Variants in POLQ observed in about 807,000 individuals in gnomAD.
POLQ encodes DNA polymerase theta, also known as epididymis secretory sperm binding protein.
A neutral mutation model predicts 259.2 loss-of-function variants in POLQ; 233 were observed. The observed-to-expected ratio is 0.90, with a 90% confidence interval of 0.81 to 1.00. POLQ has a LOEUF of 1.00. Among genes scored for constraint, POLQ ranks in the 50% least tolerant of loss-of-function variants. The pLI is 0.00. For synonymous variants in POLQ, 1,025 were observed against 1,048.8 expected (o/e 0.98, Z 0.44); for missense variants, 2,871 against 3,051.6 (o/e 0.94, Z 1.39).
chr3:121,469,913 CATTT>C (rs2047869966), intron 22 of POLQ, among the ~76,000 whole-genome samples: 1 of 152,116 alleles, frequency 6.6e-6, no homozygotes, highest in African/African-American at 2.4e-5. Flanking sequence ...AAATGTTGCA[CATTT>C]ATTTGTTCTT....
chr3:121,454,090 G>T (rs2047707450), intron 25 of POLQ, among the ~76,000 whole-genome samples: 1 of 152,162 alleles, frequency 6.6e-6, no homozygotes, highest in African/African-American at 2.4e-5. Context: ...CATTCTTAAA[G>T]AAATGAATTT....
At chr3:121,455,464 A>T (rs1268916847) in intron 25 of POLQ, among the ~76,000 whole-genome samples, 1 of 149,000 alleles carries the variant, frequency 6.7e-6, no homozygotes, top group Non-Finnish European at 1.5e-5. Context: ...TGAAAGGATC[A>T]ACAAAATTGA....
At chr3:121,513,724 T>C (rs1379569259) in intron 9 of POLQ, among the ~76,000 whole-genome samples, 2 of 151,130 alleles carry the variant, frequency 1.3e-5, no homozygotes, top group Non-Finnish European at 2.9e-5. Flanking sequence ...AAGAACACCT[T>C]TGTGAAAACC....
chr3:121,510,589 A>T lies in POLQ; in HGVS notation c.1612-346T>A, dbSNP rs547305065. Among the ~76,000 whole-genome samples, 16 of 126,480 alleles carry T rather than the reference A, an allele frequency of 1.3e-4. No homozygotes were observed. The East Asian group carries it at 3.2e-3, about 25-fold the overall frequency. The allele number at this position is 126,480 out of a possible 152,430, so 83.0% of individuals were successfully genotyped here. ...GAGACTCCATCTCAAAAAAACAATT[A>T]AAAAAAAAAATAAATAAAACATGCA... On this transcript the variant is annotated intron_variant, in intron 10 of 29. Coordinates refer to ENST00000264233, the MANE Select transcript of POLQ (RefSeq NM_199420.4).
intron 22 of POLQ, among the ~76,000 whole-genome samples, chr3:121,471,250 C>A (rs2047881571): frequency 6.6e-6 from 1 of 151,976 alleles, no homozygotes; most frequent in Non-Finnish European, 1.5e-5. Context: ...TTCTTTTCTG[C>A]TTGGGTAAAA....
At chr3:121,475,845 G>T (rs1051021918) in intron 20 of POLQ, among the ~76,000 whole-genome samples, 4 of 151,992 alleles carry the variant, frequency 2.6e-5, no homozygotes, top group African/African-American at 4.8e-5. Flanking sequence ...AAACCTACTT[G>T]TGCTGAAACA....
chr3:121,533,531 T>C (rs1384162091), intron 5 of POLQ, among the ~76,000 whole-genome samples: 1 of 152,222 alleles, frequency 6.6e-6, no homozygotes. Flanking sequence ...ATTTCTTTTT[T>C]TTTAGACAGG....
chr3:121,449,404 C>T lies in POLQ; in HGVS notation c.7175G>A (p.Gly2392Glu), dbSNP rs776674811. 6 of 1,591,906 alleles carry T rather than the reference C, an allele frequency of 3.8e-6. No homozygotes were observed. In the South Asian group the frequency reaches 5.5e-5, roughly 15 times the overall value. Residue 2392 changes from glycine to glutamate, a missense_variant, in exon 26 of 30, where the codon GGA (glycine) becomes GAA (glutamate). This residue lies in a region of POLQ where 2,080 missense variants were observed against 2,126.0 expected (regional missense o/e 0.98). Transcript: ENST00000264233. Reference protein sequence around the residue: ...AKQICYGIIYGMGAKSLGEQM... With the variant: ...AKQICYGIIYEMGAKSLGEQM... Reference sequence around the variant, plus strand: ...CTCTCCCAAAGATTTAGCTCCCATTCCATAAATGATCCCATAGCAAATCTG... The same window carrying T: ...CTCTCCCAAAGATTTAGCTCCCATTTCATAAATGATCCCATAGCAAATCTG...
Position 121,489,387 on chromosome 3 carries a change from C to T in POLQ, c.3544G>A (p.Val1182Ile). ...TGGATGTCATGGTGTTTCATATAAA[C>T]ATTCTGGTTTTTTGAACCATTTTGT... Reference protein sequence around the residue: ...LIQNGSKNQNVYMKHHDIHPI... With the variant: ...LIQNGSKNQNIYMKHHDIHPI... Residue 1182 changes from valine (V) to isoleucine (I), a missense_variant, in exon 16 of 30, where the codon GTT (valine) becomes ATT (isoleucine). By Grantham distance (29) the Val-to-Ile change is conservative. This residue lies in a region of POLQ where 2,080 missense variants were observed against 2,126.0 expected (regional missense o/e 0.98). Transcript: ENST00000264233. The T allele has an allele frequency of 6.2e-7, 1 of 1,613,492 alleles. No individual in the cohort carries two copies. The highest frequency in any genetic ancestry group is 1.1e-5 in the South Asian group (1 of 90,860).
In POLQ at chr3:121,476,564, G is replaced by C. The variant is rs775363332; in HGVS notation, c.6381C>G (p.Phe2127Leu). The C allele has an allele frequency of 6.8e-6, 11 of 1,613,380 alleles. No individual in the cohort carries two copies. Among genetic ancestry groups the C allele is most frequent in the Non-Finnish European group, 9.3e-6 (11 of 1,179,698 alleles). Reference protein sequence around the residue: ...AYQLAGHSFSFTSSDDIAEVL... With the variant: ...AYQLAGHSFSLTSSDDIAEVL... ...CCTCAGCGATGTCATCTGAACTGGT[G>C]AAAGAAAAACTGTGGCCAGCTAGTT... The change falls in exon 20 of 30, where the codon TTC (phenylalanine) becomes TTG (leucine). Residue 2127 changes from phenylalanine to leucine, a missense_variant. Transcript: ENST00000264233.
At chr3:121,471,159 GA>G (rs951400315) in intron 22 of POLQ, among the ~76,000 whole-genome samples, 3 of 152,100 alleles carry the variant, frequency 2.0e-5, no homozygotes, top group African/African-American at 7.2e-5. Context: ...ACTGCCTAGA[GA>G]AAGAATACAT....
At chr3:121,494,241 T>C (rs2048095818) in intron 14 of POLQ, 2 of 1,583,484 alleles carry the variant, frequency 1.3e-6, no homozygotes, top group South Asian at 1.1e-5. Context: ...GGACAGGACA[T>C]CCAGCCCAAA....
intron 28 of POLQ, among the ~76,000 whole-genome samples, chr3:121,433,960 GCAAA>G (rs1285054471): frequency 1.3e-5 from 2 of 152,178 alleles, no homozygotes; most frequent in African/African-American, 4.8e-5. Flanking sequence ...CACACAGTAA[GCAAA>G]CAAAATCACC....
chr3:121,543,687 T>A (rs1422694635), intron 2 of POLQ, among the ~76,000 whole-genome samples: 1 of 152,124 alleles, frequency 6.6e-6, no homozygotes, highest in Non-Finnish European at 1.5e-5. Context: ...TAGTTGCCCA[T>A]GAAAACCCAT....
At chr3:121,537,993 C>A (rs1026385157) in intron 4 of POLQ, among the ~76,000 whole-genome samples, 3 of 152,060 alleles carry the variant, frequency 2.0e-5, no homozygotes, top group Non-Finnish European at 4.4e-5. Context: ...ATCTAAAAAT[C>A]AATTATTAGC....
In POLQ at chr3:121,481,823, T is replaced by C. The variant is rs1355398265; in HGVS notation, c.5971-11A>G. 6.3e-7 allele frequency: 1 copy of C among 1,586,358 alleles called. No homozygotes were observed. Among genetic ancestry groups the C allele is most frequent in the Admixed American group, 1.8e-5 (1 of 55,328 alleles). ...TAACCAGCATGCCACCTGAATGGGA[T>C]AGCAATGAGAATATTTTCCTGATTT... On this transcript the variant is annotated splice_polypyrimidine_tract_variant and intron_variant, in intron 18 of 29. Coordinates refer to ENST00000264233, the MANE Select transcript of POLQ (RefSeq NM_199420.4).
intron 14 of POLQ, among the ~76,000 whole-genome samples, chr3:121,496,461 C>T (rs1271532313): frequency 6.6e-6 from 1 of 152,106 alleles, no homozygotes; most frequent in African/African-American, 2.4e-5. Context: ...AGGCATGAGC[C>T]ACCGCGCCCG....
At chr3:121,453,776 G>T (rs1290767715) in intron 25 of POLQ, among the ~76,000 whole-genome samples, 2 of 152,162 alleles carry the variant, frequency 1.3e-5, no homozygotes, top group Non-Finnish European at 2.9e-5. Context: ...GAAAGTGACA[G>T]GGAGAATGGA....
intron 7 of POLQ, among the ~76,000 whole-genome samples, chr3:121,523,560 A>G (rs559391872): frequency 2.6e-4 from 40 of 151,982 alleles, no homozygotes; most frequent in Non-Finnish European, 5.1e-4. Context: ...AAAAAATACA[A>G]AAAAATTAGC....
Sources: allele counts gnomAD v4.1 joint callset (sites outside exome capture counted in the v4.1 genomes callset), GRCh38; gene constraint gnomAD v4.1.1; regional missense constraint gnomAD v4.1.1; transcripts MANE v1.5; gene names NCBI Gene and HGNC (gene_info 2026-07-23, HGNC 2026-07-21).